Variants in MAST2 observed in about 807,000 individuals in gnomAD.
MAST2 encodes microtubule-associated serine/threonine-protein kinase 2.
MAST2 carries 70 observed loss-of-function variants against 147.4 expected under a neutral mutation model. The observed-to-expected ratio is 0.47, with a 90% CI of 0.39 to 0.58. The LOEUF is 0.58. Ranked by LOEUF, MAST2 falls within the 20% of genes least tolerant of loss-of-function variation. The pLI, the probability that MAST2 is intolerant of heterozygous loss-of-function variation, is 0.00. For synonymous variants in MAST2, 869 were observed against 896.8 expected (o/e 0.97, Z 0.55); for missense variants, 2,080 against 2,302.3 (o/e 0.90, Z 1.98).
chr1:45,847,799 C>T (rs976677648), intron 3 of MAST2, among the ~76,000 whole-genome samples: 1 of 152,128 alleles, frequency 6.6e-6, no homozygotes. Flanking sequence ...AGCCATCTCC[C>T]CGCCTCAGCT....
intron 6 of MAST2, among the ~76,000 whole-genome samples, chr1:46,002,291 A>T (rs1645305134): frequency 6.6e-6 from 1 of 152,060 alleles, no homozygotes. Context: ...ATGAGTCCTA[A>T]CGGCTCCTAG....
intron 1 of MAST2, among the ~76,000 whole-genome samples, chr1:45,823,693 A>C (rs1447765415): frequency 6.6e-6 from 1 of 152,122 alleles, no homozygotes; most frequent in East Asian, 1.9e-4. Flanking sequence ...TGTGTTACTT[A>C]TCTGTATTTG....
rs532029041 is a variant in MAST2, at chr1:45,835,556, G to A, written c.468+5975G>A. ...TATCATCAGTTCTCATGTTGAATAT[G>A]ATGTCATTTTGGGTGCCATATTATT... On this transcript the variant is annotated intron_variant, in intron 3 of 28. Transcript: ENST00000361297. Among the ~76,000 whole-genome samples, 46 of 152,192 alleles carry A rather than the reference G, an allele frequency of 3.0e-4. No homozygotes were observed. The South Asian group carries it at 9.5e-3, about 32-fold the overall frequency.
intron 1 of MAST2, among the ~76,000 whole-genome samples, chr1:45,808,312 C>T (rs1284442531): frequency 6.6e-6 from 1 of 152,066 alleles, no homozygotes; most frequent in Non-Finnish European, 1.5e-5. Context: ...CTTATTGTAA[C>T]CTCTGCCTCC....
At chr1:45,975,093 G>A (rs1254715764) in intron 5 of MAST2, among the ~76,000 whole-genome samples, 5 of 152,102 alleles carry the variant, frequency 3.3e-5, no homozygotes, top group African/African-American at 1.2e-4. Flanking sequence ...GTGGTACAAA[G>A]GGCATGTGAA....
At chr1:45,942,517 A>T (rs1657450210) in intron 4 of MAST2, among the ~76,000 whole-genome samples, 1 of 151,998 alleles carries the variant, frequency 6.6e-6, no homozygotes, top group Admixed American at 6.5e-5. Flanking sequence ...TTTATTTTTT[A>T]TTTATTTTTT....
intron 8 of MAST2, among the ~76,000 whole-genome samples, chr1:46,007,392 G>A (rs1645530293): frequency 6.6e-6 from 1 of 152,140 alleles, no homozygotes; most frequent in African/African-American, 2.4e-5. Context: ...GTGTCACAGA[G>A]GAACACCTGA....
Position 46,025,579 on chromosome 1 carries a change from G to A in MAST2, c.1781-98G>A. 2.8e-6 allele frequency: 4 copies of A among 1,416,544 alleles called. No individual in the cohort carries two copies. The Admixed American group carries it at 5.3e-5, about 19-fold the overall frequency. 87.7% of individuals were successfully genotyped at this position (1,416,544 alleles called of 1,614,324 possible). The stretch of plus-strand genomic sequence containing the variant: ...CTCCAGCACCAGGATATTCCATGAA[G>A]CTGTCTCCTCTGGGACCTCAGAAAC... On this transcript the variant is annotated intron_variant, in intron 15 of 28. Transcript: ENST00000361297.
chr1:46,025,946 T>C, intron 16 of MAST2, 131 bp downstream of exon 16: 1 of 1,200,898 alleles, frequency 8.3e-7, no homozygotes, highest in Non-Finnish European at 1.2e-6. Context: ...TGTGTCCATC[T>C]GGGCCTAGTT....
intron 16 of MAST2, among the ~76,000 whole-genome samples, chr1:46,026,701 G>A (rs549648202): frequency 5.9e-5 from 9 of 152,144 alleles, no homozygotes; most frequent in Non-Finnish European, 1.3e-4. Flanking sequence ...ATCAGGCTGG[G>A]GTGGGGGTAG....
At chr1:45,810,959 TCTC>T (rs571170879) in intron 1 of MAST2, among the ~76,000 whole-genome samples, 98 of 149,842 alleles carry the variant, frequency 6.5e-4, no homozygotes, top group African/African-American at 2.2e-3. Context: ...TTCAAGCTAT[TCTC>T]CTGCCTCAGC....
intron 4 of MAST2, among the ~76,000 whole-genome samples, chr1:45,936,691 C>T (rs1656250029): frequency 6.6e-6 from 1 of 152,130 alleles, no homozygotes; most frequent in Non-Finnish European, 1.5e-5. Context: ...TCTCTTCAAG[C>T]AGACAACTTC....
intron 4 of MAST2, among the ~76,000 whole-genome samples, chr1:45,886,224 A>T (rs1260342073): frequency 6.7e-6 from 1 of 148,300 alleles, no homozygotes; most frequent in Non-Finnish European, 1.5e-5. Context: ...CGATAAATAT[A>T]TATGTATATA....
rs527312691 is a variant in MAST2 at position 45,924,212 on chromosome 1, C to T, written c.501-35174C>T. 3.9e-5 allele frequency among the ~76,000 whole-genome samples: 6 copies of T among 152,224 alleles called. No homozygotes were observed. The East Asian group carries it at 1.2e-3, about 29-fold the overall frequency. On this transcript the variant is annotated intron_variant, in intron 4 of 28. Coordinates refer to ENST00000361297, the MANE Select transcript of MAST2 (RefSeq NM_015112.3). ...TTTAGGCCTGTATCATTCCATTTTA[C>T]CCCTGCTCATTACTGTCATCTATTA...
Position 46,035,269 on chromosome 1 carries a change from G to GC in MAST2, c.4604dup (p.Lys1536Ter). 5 of 1,614,004 alleles carry GC rather than the reference G, an allele frequency of 3.1e-6. No individual in the cohort carries two copies. Among genetic ancestry groups the GC allele is most frequent in the Non-Finnish European group, 4.2e-6 (5 of 1,180,018 alleles). ...TCACCCAGAAGTGAGCCAGAGTGTG[G>GC]CCCCTAAAGGAGCAGGAGAGAGTGG... On this transcript the variant is annotated frameshift_variant, in exon 29 of 29. Transcript: ENST00000361297. LOFTEE classifies it low-confidence loss of function (END_TRUNC). This position sits in a 1 kb window ranked among gnomAD's most constrained non-coding sequence, Gnocchi z 5.5.
chr1:45,844,370 A>G (rs1426531471), intron 3 of MAST2, among the ~76,000 whole-genome samples: 1 of 151,582 alleles, frequency 6.6e-6, no homozygotes, highest in African/African-American at 2.4e-5. Context: ...GCAACCTCCG[A>G]CTCCCAGGTT....
At chr1:45,873,874 G>A (rs1570473436) in intron 3 of MAST2, among the ~76,000 whole-genome samples, 1 of 152,190 alleles carries the variant, frequency 6.6e-6, no homozygotes, top group Non-Finnish European at 1.5e-5. Flanking sequence ...AGGCTGGAGT[G>A]CAGTGGTGTG....
chr1:45,824,811 C>G (rs1386736483), intron 2 of MAST2, among the ~76,000 whole-genome samples: 3 of 152,220 alleles, frequency 2.0e-5, no homozygotes, highest in Non-Finnish European at 2.9e-5. Context: ...TGGTCACTCT[C>G]TCTTACTCTG....
At chr1:45,927,117 A>AGG (rs1654499014) in intron 4 of MAST2, among the ~76,000 whole-genome samples, 1 of 152,176 alleles carries the variant, frequency 6.6e-6, no homozygotes, top group East Asian at 1.9e-4. Flanking sequence ...GATTTTCAAA[A>AGG]GGGGAGGGAG....
Sources: allele counts gnomAD v4.1 joint callset (sites outside exome capture counted in the v4.1 genomes callset), GRCh38; gene constraint gnomAD v4.1.1; non-coding constraint Gnocchi (gnomAD v3.1); transcripts MANE v1.5; gene names NCBI Gene and HGNC (gene_info 2026-07-23, HGNC 2026-07-21).